GSN: variants seen among roughly 807,000 people sequenced by gnomAD.
The protein encoded by GSN is gelsolin.
A neutral mutation model predicts 85.7 loss-of-function variants in GSN; 56 were observed. The observed-to-expected ratio is 0.65, with a 90% CI of 0.53 to 0.82. The LOEUF (loss-of-function observed/expected upper bound fraction) is 0.82, where lower values mean the gene tolerates loss of function less well. Ranked by LOEUF, GSN falls within the 40% of genes least tolerant of loss-of-function variation. GSN has a pLI of 0.00. For synonymous variants in GSN, 373 were observed against 399.1 expected (o/e 0.93, Z 0.78); for missense variants, 857 against 979.8 (o/e 0.87, Z 1.67).
At chr9:121,298,156 C>T (rs2059392109) in intron 2 of GSN, among the ~76,000 whole-genome samples, 1 of 152,122 alleles carries the variant, frequency 6.6e-6, no homozygotes, top group East Asian at 1.9e-4. Flanking sequence ...ACACAGGCCT[C>T]GGTGACCCCT....
intron 2 of GSN, 44 bp from the exon 3 acceptor site, chr9:121,301,919 G>A: frequency 6.2e-7 from 1 of 1,613,302 alleles, no homozygotes; most frequent in South Asian, 1.1e-5. Flanking sequence ...GTCTCTCCCT[G>A]CCAGGACCCT....
chr9:121,318,596 C>T lies in GSN; in HGVS notation c.976-69C>T. ...CCCACCCTCAGTGTGGATGGGGTAT[C>T]TGAGGCTCCCCTGGGGACCCCTGCT... On this transcript the variant is annotated intron_variant, in intron 9 of 17. Transcript: ENST00000432226. The surrounding 1 kb of genome is among the most constrained non-coding windows in gnomAD (Gnocchi z 4.3). 1 of 1,476,804 alleles carries T rather than the reference C, an allele frequency of 6.8e-7. No individual in the cohort carries two copies. Among genetic ancestry groups the T allele is most frequent in the Admixed American group, 1.7e-5 (1 of 59,352 alleles). The allele number at this position is 1,476,804 out of a possible 1,614,324, so 91.5% of individuals were successfully genotyped here. A position where few individuals can be genotyped will look rare whatever the true frequency, so the allele number is the denominator to read the frequency against.
At chr9:121,234,728 A>T (rs1277678924) in intron 5 of GSN, among the ~76,000 whole-genome samples, 1 of 152,214 alleles carries the variant, frequency 6.6e-6, no homozygotes, top group East Asian at 1.9e-4. Context: ...TCATACCTGT[A>T]ATCCGAGCAC....
chr9:121,205,791 T>A (rs1432887878), upstream of GSN, among the ~76,000 whole-genome samples: 1 of 152,158 alleles, frequency 6.6e-6, no homozygotes, highest in African/African-American at 2.4e-5. Context: ...ATAAATTGTT[T>A]TGTAAAAAGT....
In GSN at chr9:121,329,325, G is replaced by A. The variant is rs1488245666; in HGVS notation, c.1965+10G>A. On this transcript the variant is annotated intron_variant, in intron 16 of 17. Transcript: ENST00000432226. This position sits in a 1 kb window ranked among gnomAD's most constrained non-coding sequence, Gnocchi z 4.6. ...GGACACCTGGGACCAGGTGGGTGAA[G>A]GACAGGTGAAGGCTCTCTGTGCCAG... 6.5e-7 allele frequency: 1 copy of A among 1,540,398 alleles called. No individual in the cohort carries two copies. Among genetic ancestry groups the A allele is most frequent in the Non-Finnish European group, 9.0e-7 (1 of 1,112,688 alleles).
Position 121,327,397 on chromosome 9 carries a change from C to T in GSN, c.1677C>T (p.Ala559=). 6.2e-7 allele frequency: 1 copy of T among 1,613,348 alleles called. No homozygotes were observed. Among genetic ancestry groups the T allele is most frequent in the Middle Eastern group, 1.7e-4 (1 of 6,018 alleles). The change falls in exon 14 of 18, where the codon GCC becomes GCT. Residue 559 remains alanine (A), a synonymous_variant. Transcript: ENST00000432226. ...CCTACCTGTGGGTGGGTACAGGAGC[C>T]AGCGAGGCAGAGAAGACGGGGGCCC... is the stretch of plus-strand genomic sequence containing the variant. ...SAAYLWVGTG[A]SEAEKTGAQE...
intron 4 of GSN, among the ~76,000 whole-genome samples, chr9:121,211,177 G>T (rs1013452720): frequency 6.6e-6 from 1 of 152,204 alleles, no homozygotes; most frequent in Non-Finnish European, 1.5e-5. Flanking sequence ...GTAGAGGAAT[G>T]GGGAGGTATT....
At chr9:121,222,015 A>T (rs909492918) in intron 4 of GSN, among the ~76,000 whole-genome samples, 3 of 151,338 alleles carry the variant, frequency 2.0e-5, no homozygotes, top group Admixed American at 6.6e-5. Flanking sequence ...ACCCCTCAAC[A>T]CTCTCTCCTC....
chr9:121,263,568 G>A (rs2055132193), upstream of GSN, among the ~76,000 whole-genome samples: 1 of 152,042 alleles, frequency 6.6e-6, no homozygotes, highest in South Asian at 2.1e-4. Flanking sequence ...GAGAGTGTGT[G>A]AAGGAGGAAC....
intron 5 of GSN, among the ~76,000 whole-genome samples, chr9:121,234,516 A>G (rs1169108757): frequency 6.6e-6 from 1 of 152,160 alleles, no homozygotes; most frequent in Non-Finnish European, 1.5e-5. Context: ...GGGGTCTGTT[A>G]GGTGAAGAGT....
upstream of GSN, among the ~76,000 whole-genome samples, chr9:121,205,723 C>A (rs765912222): frequency 1.3e-5 from 2 of 152,116 alleles, no homozygotes; most frequent in Non-Finnish European, 2.9e-5. Flanking sequence ...TGCCTGGAAT[C>A]CTCCAGGTGT....
chr9:121,295,704 G>A (rs1437808823), intron 2 of GSN, among the ~76,000 whole-genome samples: 1 of 152,100 alleles, frequency 6.6e-6, no homozygotes, highest in East Asian at 1.9e-4. Flanking sequence ...GGGAGGGAGG[G>A]GTCCCCCAGG....
intron 2 of GSN, 133 bp downstream of exon 2, chr9:121,281,695 T>C (rs2057387107): frequency 4.2e-6 from 2 of 471,076 alleles, no homozygotes; most frequent in African/African-American, 4.0e-5. Flanking sequence ...CCCTGAGGTC[T>C]TCCTAATAAG....
the GSN span, chr9:121,202,004 T>G: frequency 6.6e-6 from 1 of 152,380 alleles, no homozygotes; most frequent in African/African-American, 2.4e-5. Flanking sequence ...CCACGCCCCT[T>G]CCTCAGCCCT....
At chr9:121,207,095 T>C (rs753766686), upstream of GSN, among the ~76,000 whole-genome samples, 1 of 152,232 alleles carries the variant, frequency 6.6e-6, no homozygotes, top group Non-Finnish European at 1.5e-5. Flanking sequence ...TTTCTGACTT[T>C]GTACATTTAG....
intron 5 of GSN, among the ~76,000 whole-genome samples, chr9:121,243,342 C>G (rs1341649913): frequency 6.6e-6 from 1 of 152,154 alleles, no homozygotes; most frequent in Non-Finnish European, 1.5e-5. Context: ...ATTTAGAGAT[C>G]ACTTCGATAA....
intron 4 of GSN, among the ~76,000 whole-genome samples, chr9:121,228,414 A>ATG (rs2054313536): frequency 1.6e-5 from 1 of 60,762 alleles, no homozygotes; most frequent in Non-Finnish European, 2.9e-5. Flanking sequence ...ATATATATAT[A>ATG]TATATATATA....
chr9:121,305,997 A>G (rs965883608), intron 4 of GSN, among the ~76,000 whole-genome samples: 2 of 152,220 alleles, frequency 1.3e-5, no homozygotes, highest in Non-Finnish European at 2.9e-5. Context: ...AAGGGCTGAC[A>G]TGGGGCTTGG....
At chr9:121,319,455 A>G (rs2062124416) in intron 10 of GSN, among the ~76,000 whole-genome samples, 1 of 151,252 alleles carries the variant, frequency 6.6e-6, no homozygotes, top group Non-Finnish European at 1.5e-5. Flanking sequence ...TTATTAAATC[A>G]GACATGCAAC....
Sources: allele counts gnomAD v4.1 joint callset (sites outside exome capture counted in the v4.1 genomes callset), GRCh38; gene constraint gnomAD v4.1.1; non-coding constraint Gnocchi (gnomAD v3.1); transcripts MANE v1.5; gene names NCBI Gene and HGNC (gene_info 2026-07-23, HGNC 2026-07-21).